TMCO4: variants seen among roughly 807,000 people sequenced by gnomAD.
TMCO4 encodes transmembrane and coiled-coil domains 4.
Under a neutral mutation model 64.7 loss-of-function variants are expected in TMCO4, and 58 were observed. The observed-to-expected ratio is 0.90, with a 90% CI of 0.73 to 1.12. The LOEUF is 1.12. Among genes scored for constraint, TMCO4 ranks in the 50% most tolerant of loss-of-function variants. The pLI is 0.00. For synonymous variants in TMCO4, 325 were observed against 346.1 expected (o/e 0.94, Z 0.68); for missense variants, 780 against 825.9 (o/e 0.94, Z 0.68).
chr1:19,741,991 G>A (rs935030255), intron 10 of TMCO4, among the ~76,000 whole-genome samples: 10 of 151,794 alleles, frequency 6.6e-5, no homozygotes, highest in Non-Finnish European at 1.0e-4. Flanking sequence ...CACCCGCCTC[G>A]GCCTCCCAAG....
chr1:19,785,098 G>A (rs974209355), intron 3 of TMCO4, among the ~76,000 whole-genome samples: 1 of 152,026 alleles, frequency 6.6e-6, no homozygotes, highest in Non-Finnish European at 1.5e-5. Context: ...TTCCCTCCAG[G>A]CCCTTGCACC....
At chr1:19,761,256 A>C (rs1286313308) in intron 6 of TMCO4, among the ~76,000 whole-genome samples, 1 of 152,220 alleles carries the variant, frequency 6.6e-6, no homozygotes, top group East Asian at 1.9e-4. Flanking sequence ...GAGGGCCACG[A>C]GCTAGCAGAA....
chr1:19,757,162 G>T lies in TMCO4; in HGVS notation c.383-1396C>A, dbSNP rs544168524. On this transcript the variant is annotated intron_variant, in intron 6 of 15. Coordinates refer to ENST00000294543, the MANE Select transcript of TMCO4 (RefSeq NM_181719.7). ...AAAAATTAGCCAGGCGTGGTGGCGG[G>T]GGGGGGCGCCTGTAATTTCCAGCAA... is the stretch of plus-strand genomic sequence containing the variant. Among the ~76,000 whole-genome samples, 150 of 139,882 alleles carry T rather than the reference G, an allele frequency of 1.1e-3. 3 individuals carry two copies. Among genetic ancestry groups the T allele is most frequent in the South Asian group, 5.2e-3 (23 of 4,424 alleles). 91.8% of individuals were successfully genotyped at this position (139,882 alleles called of 152,430 possible). A position where few individuals can be genotyped will look rare whatever the true frequency, so the allele number is the denominator to read the frequency against.
In TMCO4 at chr1:19,732,335, C is replaced by T. The variant is rs2095433457; in HGVS notation, c.1264+5037G>A. 6.6e-6 allele frequency among the ~76,000 whole-genome samples: 1 copy of T among 152,102 alleles called. No homozygotes were observed. The highest frequency in any genetic ancestry group is 1.5e-5 in the Non-Finnish European group (1 of 68,016). On this transcript the variant is annotated intron_variant, in intron 13 of 15. Coordinates refer to ENST00000294543, the MANE Select transcript of TMCO4 (RefSeq NM_181719.7). This position sits in a 1 kb window ranked among gnomAD's most constrained non-coding sequence, Gnocchi z 4.8. ...TACATGCACGTGCCACCATGCCTGGCTAATTTTAAAATTTTTTGTAGAGGC... is the reference window on the plus strand; with the variant it reads ...TACATGCACGTGCCACCATGCCTGGTTAATTTTAAAATTTTTTGTAGAGGC...
intron 13 of TMCO4, among the ~76,000 whole-genome samples, chr1:19,729,805 G>A (rs2095423183): frequency 6.6e-6 from 1 of 152,076 alleles, no homozygotes; most frequent in Admixed American, 6.6e-5. Flanking sequence ...AAAAATAAGA[G>A]TATGATTTTA....
chr1:19,759,615 G>A (rs556583030), intron 6 of TMCO4, among the ~76,000 whole-genome samples: 49 of 152,252 alleles, frequency 3.2e-4, no homozygotes, highest in East Asian at 2.5e-3. Flanking sequence ...CTTTGCACTC[G>A]CTGTTCTTGA....
intron 7 of TMCO4, among the ~76,000 whole-genome samples, chr1:19,751,641 T>C (rs17378010): frequency 0.084 from 12,718 of 151,990 alleles, 737 homozygotes; most frequent in Non-Finnish European, 0.12. Context: ...TAAGCATTTG[T>C]TGATTTGAAA....
chr1:19,701,794 C>T (rs191676933), intron 13 of TMCO4, among the ~76,000 whole-genome samples: 12 of 152,102 alleles, frequency 7.9e-5, no homozygotes, highest in Admixed American at 5.2e-4. Flanking sequence ...TCCGCTGCAT[C>T]GATCTAATGA....
At chr1:19,752,047 C>CAAAA (rs779717204) in intron 7 of TMCO4, among the ~76,000 whole-genome samples, 8 of 139,458 alleles carry the variant, frequency 5.7e-5, no homozygotes, top group African/African-American at 1.6e-4. Context: ...GACTTTGTCT[C>CAAAA]AAAAAAAAAA....
intron 13 of TMCO4, among the ~76,000 whole-genome samples, chr1:19,712,057 A>G (rs1204339083): frequency 6.6e-6 from 1 of 151,814 alleles, no homozygotes; most frequent in Non-Finnish European, 1.5e-5. Flanking sequence ...TCTGCATCCC[A>G]AAGCGCTGGG....
chr1:19,747,228 T>C lies in TMCO4; in HGVS notation c.548A>G (p.Asn183Ser), dbSNP rs2041835246. ...MAEASRKKKE[N>S]RRKWKRYLLI... ...GAGATAACGCTTCCATTTCCTCCGG[T>C]TTTCTTTCTTCTTTCGGGATGCCTC... Residue 183 changes from asparagine to serine, a missense_variant, in exon 8 of 16, where the codon AAC (asparagine) becomes AGC (serine). Asn to Ser is a conservative substitution (Grantham distance 46). Coordinates refer to ENST00000294543, the MANE Select transcript of TMCO4 (RefSeq NM_181719.7). 1.9e-6 allele frequency: 3 copies of C among 1,613,910 alleles called. No homozygotes were observed. The highest frequency in any genetic ancestry group is 2.5e-6 in the Non-Finnish European group (3 of 1,179,932).
Position 19,746,480 on chromosome 1 carries a change from C to G in TMCO4, c.733G>C (p.Gly245Arg). The part of the protein sequence containing the change: ...AGIAIMTSLF[G>R]AAGAGLTGYK... ...CCTGTCAGGCCAGCTCCAGCTGCAC[C>G]AAACAGCGAGGTCATGATGGCTATG... Residue 245 changes from glycine (G) to arginine (R), a missense_variant, in exon 9 of 16, where the codon GGT becomes CGT. Gly to Arg is a moderately radical substitution (Grantham distance 125, BLOSUM62 -2). Transcript: ENST00000294543. The G allele has an allele frequency of 6.2e-7, 1 of 1,613,340 alleles. No homozygotes were observed. The highest frequency in any genetic ancestry group is 1.1e-5 in the South Asian group (1 of 90,834).
intron 10 of TMCO4, among the ~76,000 whole-genome samples, chr1:19,744,009 A>G (rs532344478): frequency 6.7e-4 from 102 of 152,362 alleles, no homozygotes; most frequent in South Asian, 1.4e-3. Context: ...TCACACACCA[A>G]TAAGACCCTG....
intron 7 of TMCO4, 104 bp downstream of exon 7, chr1:19,755,530 C>A: frequency 1.3e-6 from 2 of 1,509,284 alleles, no homozygotes; most frequent in Admixed American, 3.9e-5. Flanking sequence ...GCTCCTTCCA[C>A]CTCACTACAC....
At chr1:19,689,392 G>A (rs2095174392) in intron 15 of TMCO4, among the ~76,000 whole-genome samples, 1 of 152,172 alleles carries the variant, frequency 6.6e-6, no homozygotes, top group African/African-American at 2.4e-5. Flanking sequence ...TGGTCCCAGA[G>A]GCAAACAAAC....
intron 15 of TMCO4, 102 bp from the exon 16 acceptor site, chr1:19,683,546 C>T: frequency 1.5e-6 from 2 of 1,333,214 alleles, no homozygotes; most frequent in Non-Finnish European, 2.0e-6. Context: ...CCCTGAGCAT[C>T]CACAGCCAAC....
At chr1:19,709,140 G>T (rs969479070) in intron 13 of TMCO4, among the ~76,000 whole-genome samples, 3 of 152,202 alleles carry the variant, frequency 2.0e-5, no homozygotes, top group Non-Finnish European at 4.4e-5. Flanking sequence ...ACACTGGAAA[G>T]AATCGCTTAA....
intron 15 of TMCO4, among the ~76,000 whole-genome samples, chr1:19,690,866 CTT>C (rs34764589): frequency 6.3e-5 from 7 of 111,276 alleles, no homozygotes; most frequent in Admixed American, 1.0e-4. Context: ...TGTGAAGACT[CTT>C]TTTTTTTTTT....
chr1:19,779,886 T>C (rs2043380265), intron 4 of TMCO4, among the ~76,000 whole-genome samples: 1 of 152,212 alleles, frequency 6.6e-6, no homozygotes, highest in Non-Finnish European at 1.5e-5. Context: ...CTTCAAATCA[T>C]ACCTGGAATA....
Sources: allele counts gnomAD v4.1 joint callset (sites outside exome capture counted in the v4.1 genomes callset), GRCh38; gene constraint gnomAD v4.1.1; non-coding constraint Gnocchi (gnomAD v3.1); transcripts MANE v1.5; gene names NCBI Gene and HGNC (gene_info 2026-07-23, HGNC 2026-07-21).